The following RIMS2 variants were observed in gnomAD, a reference collection of about 807,000 sequenced individuals.
The protein encoded by RIMS2 is regulating synaptic membrane exocytosis 2.
Under a neutral mutation model 174.4 loss-of-function variants are expected in RIMS2, and 59 were observed. That is an observed-to-expected ratio of 0.34 (90% CI 0.27 to 0.42). The LOEUF is 0.42. Among genes scored for constraint, RIMS2 ranks in the 10% least tolerant of loss-of-function variants. RIMS2 has a pLI of 1.00. For missense variants in RIMS2, 1,620 were observed against 1,666.3 expected, an observed-to-expected ratio of 0.97 and a Z score of 0.48; for synonymous variants, 606 against 572.5, an observed-to-expected ratio of 1.06 and a Z score of -0.84.
intron 4 of RIMS2, among the ~76,000 whole-genome samples, chr8:103,893,183 G>A (rs564042500): frequency 1.3e-4 from 20 of 152,106 alleles, no homozygotes; most frequent in African/African-American, 4.6e-4. Context: ...TCAATAATAT[G>A]TAATACTAGA....
chr8:103,698,117 C>A (rs138878572), intron 2 of RIMS2, among the ~76,000 whole-genome samples: 1 of 152,136 alleles, frequency 6.6e-6, no homozygotes, highest in East Asian at 1.9e-4. Flanking sequence ...GGTGGAAATT[C>A]GTTTCCCTAT....
chr8:104,041,332 T>C (rs767695095), intron 19 of RIMS2: 2 of 699,290 alleles, frequency 2.9e-6, no homozygotes, highest in Non-Finnish European at 5.3e-6. Flanking sequence ...ACAGAAGAAC[T>C]GGACTCTACA....
intron 3 of RIMS2, among the ~76,000 whole-genome samples, chr8:103,786,185 T>C (rs539836835): frequency 2.0e-5 from 3 of 152,296 alleles, no homozygotes; most frequent in South Asian, 4.1e-4. Context: ...GTCTTGCTAG[T>C]GGTCTATCAA....
chr8:103,594,304 A>G (rs745857371), intron 1 of RIMS2, among the ~76,000 whole-genome samples: 1 of 151,614 alleles, frequency 6.6e-6, no homozygotes, highest in Non-Finnish European at 1.5e-5. Context: ...AATAGCCCCT[A>G]AGTGTAATCT....
chr8:103,844,007 T>G (rs528746391), intron 3 of RIMS2, among the ~76,000 whole-genome samples: 1 of 152,250 alleles, frequency 6.6e-6, no homozygotes, highest in Non-Finnish European at 1.5e-5. Flanking sequence ...TCTCACGAGA[T>G]CTGGTGATTT....
At chr8:103,869,118 A>G (rs957440187) in intron 3 of RIMS2, among the ~76,000 whole-genome samples, 3 of 152,076 alleles carry the variant, frequency 2.0e-5, no homozygotes, top group Non-Finnish European at 2.9e-5. Flanking sequence ...GTGTTTAAGA[A>G]CATAAGAACA....
intron 19 of RIMS2, among the ~76,000 whole-genome samples, chr8:104,203,126 A>G (rs1299981414): frequency 6.6e-6 from 1 of 152,214 alleles, no homozygotes; most frequent in Non-Finnish European, 1.5e-5. Flanking sequence ...ATGATTTATC[A>G]GGCCTAGAAA....
chr8:103,647,735 G>A (rs2096368649), intron 1 of RIMS2, among the ~76,000 whole-genome samples: 1 of 151,772 alleles, frequency 6.6e-6, no homozygotes. Context: ...ATTCTCTGAT[G>A]GTCGTTTATA....
At chr8:103,851,764 G>A (rs1593797756) in intron 3 of RIMS2, among the ~76,000 whole-genome samples, 1 of 151,578 alleles carries the variant, frequency 6.6e-6, no homozygotes, top group Non-Finnish European at 1.5e-5. Context: ...AACAAATTAT[G>A]TGCACTGATA....
chr8:103,765,797 T>C (rs765021097), intron 2 of RIMS2, among the ~76,000 whole-genome samples: 10 of 152,154 alleles, frequency 6.6e-5, no homozygotes, highest in Non-Finnish European at 1.5e-4. Flanking sequence ...TTTATTTCCC[T>C]ATTTTATCAT....
chr8:103,917,525 A>T (rs1256406449), intron 8 of RIMS2, among the ~76,000 whole-genome samples: 1 of 152,180 alleles, frequency 6.6e-6, no homozygotes, highest in Non-Finnish European at 1.5e-5. Flanking sequence ...AGGATCTTCA[A>T]GTCATATTTT....
At chr8:103,841,956 A>T (rs1157259715) in intron 3 of RIMS2, among the ~76,000 whole-genome samples, 1 of 148,078 alleles carries the variant, frequency 6.8e-6, no homozygotes, top group African/African-American at 2.6e-5. Flanking sequence ...CTCCGTCTCA[A>T]AAAGAAAAAA....
chr8:104,118,608 A>T (rs187930232), intron 19 of RIMS2, among the ~76,000 whole-genome samples: 1 of 152,002 alleles, frequency 6.6e-6, no homozygotes, highest in Non-Finnish European at 1.5e-5. Context: ...GCCTCAGGTG[A>T]TCTGCCTGCC....
Position 103,931,324 on chromosome 8 carries a change from A to C in RIMS2, c.2306A>C (p.Asp769Ala), listed in dbSNP as rs61753731. The C allele has an allele frequency of 3.7e-3, 5,894 of 1,603,636 alleles. 25 individuals carry two copies. Among genetic ancestry groups the C allele is most frequent in the Middle Eastern group, 5.8e-3 (35 of 6,014 alleles). ...ATAGTTACAATTTTGGGAGCAAAAG[A>C]TCTCCCTTCCAGGGAAGATGGGAGG... The change falls in exon 12 of 24, where the codon GAT becomes GCT. Residue 769 changes from aspartate (D) to alanine (A), a missense_variant. Physicochemically the swap from Asp to Ala is moderately radical, Grantham distance 126. Around this residue, in one of 2 missense-constraint regions of RIMS2, gnomAD observed 1,395 missense variants for 1,360.1 expected, o/e 1.03. Transcript: ENST00000504942.
At chr8:104,219,496 T>A (rs2099145630) in intron 19 of RIMS2, among the ~76,000 whole-genome samples, 1 of 152,230 alleles carries the variant, frequency 6.6e-6, no homozygotes, top group African/African-American at 2.4e-5. Context: ...ATAATTACTA[T>A]GTTTTATAAA....
chr8:104,212,685 C>T (rs1462377774), intron 19 of RIMS2, among the ~76,000 whole-genome samples: 1 of 152,104 alleles, frequency 6.6e-6, no homozygotes, highest in Non-Finnish European at 1.5e-5. Context: ...ATACTCTGTT[C>T]CTCTGATATT....
At chr8:103,868,745 C>A (rs145669242) in intron 3 of RIMS2, among the ~76,000 whole-genome samples, 1,540 of 151,936 alleles carry the variant, frequency 0.01, 19 homozygotes, top group Non-Finnish European at 0.016. Context: ...TTTATTTGAA[C>A]CTATTAAATA....
chr8:103,881,844 A>G (rs936941845), intron 3 of RIMS2, among the ~76,000 whole-genome samples: 2 of 151,640 alleles, frequency 1.3e-5, no homozygotes, highest in East Asian at 3.9e-4. Flanking sequence ...ACAGGTGGCA[A>G]TAAAGAGAAG....
chr8:103,992,744 CT>C (rs2094810010), intron 17 of RIMS2, among the ~76,000 whole-genome samples: 2 of 152,114 alleles, frequency 1.3e-5, no homozygotes, highest in Non-Finnish European at 2.9e-5. Flanking sequence ...TCCTATTCTG[CT>C]TTGCAAAGTA....
Sources: allele counts gnomAD v4.1 joint callset (sites outside exome capture counted in the v4.1 genomes callset), GRCh38; gene constraint gnomAD v4.1.1; regional missense constraint gnomAD v4.1.1; transcripts MANE v1.5; gene names NCBI Gene and HGNC (gene_info 2026-07-23, HGNC 2026-07-21).